PPP2R1A: variants seen among roughly 807,000 people sequenced by gnomAD.
PPP2R1A encodes serine/threonine-protein phosphatase 2A 65 kDa regulatory subunit A alpha isoform.
In PPP2R1A, 15 loss-of-function variants were observed where a neutral mutation model predicts 67.1. The observed-to-expected ratio is 0.22, with a 90% CI of 0.15 to 0.34. PPP2R1A has a LOEUF of 0.34. PPP2R1A is among the 10% of genes least tolerant of loss of function. The probability of loss-of-function intolerance (pLI) is 1.00; values close to 1 mark genes in which losing one functional copy is unlikely to be tolerated. For synonymous variants in PPP2R1A, 337 were observed against 325.0 expected (o/e 1.04, Z -0.40); for missense variants, 369 against 775.0 (o/e 0.48, Z 6.22).
intron 11 of PPP2R1A, 141 bp downstream of exon 11, chr19:52,220,390 C>A: frequency 2.3e-6 from 2 of 887,024 alleles, no homozygotes; most frequent in Non-Finnish European, 1.8e-6. Context: ...AGCTCGCATG[C>A]TTGTTAGAGT....
In PPP2R1A at chr19:52,216,364, G is replaced by T. The variant is rs542342477; in HGVS notation, c.994-165G>T. ...GGGTCATTGAACTCTTAAGTAGGTG[G>T]TACTCATAAGGAATAGTGATTTCCC... is the stretch of plus-strand genomic sequence containing the variant. On this transcript the variant is annotated intron_variant, in intron 8 of 14. Transcript: ENST00000322088. The surrounding 1 kb of genome is among the most constrained non-coding windows in gnomAD (Gnocchi z 4.3). 6.6e-6 allele frequency among the ~76,000 whole-genome samples: 1 copy of T among 152,236 alleles called. No homozygotes were observed. The highest frequency in any genetic ancestry group is 1.5e-5 in the Non-Finnish European group (1 of 68,004).
chr19:52,201,810 G>GC (rs2089552283), intron 1 of PPP2R1A, 134 bp from the exon 2 acceptor site: 4 of 722,932 alleles, frequency 5.5e-6, no homozygotes, highest in Non-Finnish European at 7.0e-6. Flanking sequence ...GTGGGTGTTT[G>GC]CCAAATTACT....
chr19:52,194,088 C>CAAAAAAAAAAAAAAA lies in PPP2R1A; in HGVS notation c.78+3924_78+3938dup, dbSNP rs915576804. The stretch of plus-strand genomic sequence containing the variant: ...CTGGGCGACAGCAAGACCCTGTCTC[C>CAAAAAAAAAAAAAAA]AAAAAAAAAAAAAAAAAAAAAAAAG... On this transcript the variant is annotated intron_variant, in intron 1 of 14. Transcript: ENST00000322088. Among the ~76,000 whole-genome samples, 375 of 60,484 alleles carry CAAAAAAAAAAAAAAA rather than the reference C, an allele frequency of 6.2e-3. 14 individuals are homozygous for CAAAAAAAAAAAAAAA. Among genetic ancestry groups the CAAAAAAAAAAAAAAA allele is most frequent in the Middle Eastern group, 0.011 (1 of 88 alleles). 39.7% of individuals were successfully genotyped at this position (60,484 alleles called of 152,430 possible).
At chr19:52,210,363 A>T (rs73935032) in intron 3 of PPP2R1A, among the ~76,000 whole-genome samples, 6,561 of 152,010 alleles carry the variant, frequency 0.043, 184 homozygotes, top group African/African-American at 0.077. Flanking sequence ...GAAACATGAG[A>T]TCCCAATTCA....
Position 52,211,152 on chromosome 19 carries a change from G to A in PPP2R1A, c.271-108G>A. ...TTAATGAAGGTCGGGATGGGTAATAGGGAAGTTTTCTCTGAGGAGATGAGC... is the reference window on the plus strand; with the variant it reads ...TTAATGAAGGTCGGGATGGGTAATAAGGAAGTTTTCTCTGAGGAGATGAGC... On this transcript the variant is annotated intron_variant, in intron 3 of 14. Coordinates refer to ENST00000322088, the MANE Select transcript of PPP2R1A (RefSeq NM_014225.6). This position sits in a 1 kb window ranked among gnomAD's most constrained non-coding sequence, Gnocchi z 5.3. 2.0e-6 allele frequency: 2 copies of A among 1,012,622 alleles called. No individual in the cohort carries two copies. Among genetic ancestry groups the A allele is most frequent in the South Asian group, 3.2e-5 (2 of 63,084 alleles). 62.7% of individuals were successfully genotyped at this position (1,012,622 alleles called of 1,614,324 possible). A position where few individuals can be genotyped will look rare whatever the true frequency, so the allele number is the denominator to read the frequency against.
At chr19:52,197,293 GTTGT>G (rs780880976) in intron 1 of PPP2R1A, among the ~76,000 whole-genome samples, 2 of 152,140 alleles carry the variant, frequency 1.3e-5, no homozygotes, top group Non-Finnish European at 2.9e-5. Context: ...ATCTTCTAGT[GTTGT>G]TTATGTTCAC....
chr19:52,215,745 C>T (rs1171290572), intron 6 of PPP2R1A, 34 bp from the exon 7 acceptor site: 1 of 1,585,636 alleles, frequency 6.3e-7, no homozygotes, highest in East Asian at 2.2e-5. Context: ...CTGCCAGCCC[C>T]TCTCACTCTC....
chr19:52,199,507 A>G (rs1159281745), intron 1 of PPP2R1A, among the ~76,000 whole-genome samples: 1 of 152,162 alleles, frequency 6.6e-6, no homozygotes, highest in Non-Finnish European at 1.5e-5. Context: ...TCAGACATGC[A>G]TAACTTTGGA....
At chr19:52,221,196 A>G in intron 12 of PPP2R1A, 63 bp downstream of exon 12, 1 of 1,597,970 alleles carries the variant, frequency 6.3e-7, no homozygotes, top group Non-Finnish European at 8.6e-7. Flanking sequence ...GAGAGGAGGG[A>G]TGCTAGAGGG....
At chr19:52,221,208 TCCC>T (rs1978905873) in intron 12 of PPP2R1A, 75 bp downstream of exon 12, 1 of 1,575,566 alleles carries the variant, frequency 6.3e-7, no homozygotes, top group Non-Finnish European at 8.7e-7. Context: ...GCTAGAGGGT[TCCC>T]CAAGGGAGAC....
chr19:52,203,565 ACT>A (rs1224147641), intron 2 of PPP2R1A, among the ~76,000 whole-genome samples: 3 of 151,332 alleles, frequency 2.0e-5, no homozygotes, highest in East Asian at 3.9e-4. Context: ...TGTAGGGAAA[ACT>A]CTGTGACTTT....
intron 9 of PPP2R1A, among the ~76,000 whole-genome samples, chr19:52,218,388 C>T (rs532329947): frequency 2.0e-5 from 3 of 152,266 alleles, no homozygotes; most frequent in South Asian, 2.1e-4. Flanking sequence ...CCCAGAATTA[C>T]AGTGAATTTT....
chr19:52,216,033 C>G lies in PPP2R1A; in HGVS notation c.952C>G (p.Arg318Gly). ...EFCENLSADCRENVIMSQILP... is the reference protein window; with the variant it reads ...EFCENLSADCGENVIMSQILP... ...CTGTGAAAACCTCTCAGCTGACTGT[C>G]GGGAGAATGTGATCATGTCCCAGAT... is the stretch of plus-strand genomic sequence containing the variant. Residue 318 changes from arginine to glycine, a missense_variant, in exon 8 of 15, where the codon CGG becomes GGG. Arg to Gly is a moderately radical substitution (Grantham distance 125, BLOSUM62 -2). This residue lies in a region of PPP2R1A where 276 missense variants were observed against 508.4 expected (regional missense o/e 0.54). Transcript: ENST00000322088. The surrounding 1 kb of genome is among the most constrained non-coding windows in gnomAD (Gnocchi z 4.3). 1 of 1,614,032 alleles carries G rather than the reference C, an allele frequency of 6.2e-7. No homozygotes were observed. The highest frequency in any genetic ancestry group is 1.1e-5 in the South Asian group (1 of 91,078).
At chr19:52,220,085 C>G in intron 10 of PPP2R1A, 104 bp from the exon 11 acceptor site, 1 of 1,348,084 alleles carries the variant, frequency 7.4e-7, no homozygotes, top group East Asian at 2.3e-5. Context: ...TGAGAAGTGT[C>G]CGGTCTTTCT....
chr19:52,220,930 A>G (rs1234666785), intron 11 of PPP2R1A, 49 bp from the exon 12 acceptor site: 1 of 1,602,008 alleles, frequency 6.2e-7, no homozygotes, highest in Non-Finnish European at 8.5e-7. Flanking sequence ...TGCCCACATC[A>G]GTTCTTCACC....
At chr19:52,215,656 C>G in intron 6 of PPP2R1A, 123 bp from the exon 7 acceptor site, 1 of 733,200 alleles carries the variant, frequency 1.4e-6, no homozygotes, top group Non-Finnish European at 2.3e-6. Flanking sequence ...TAGATTTTAG[C>G]ACTGCTTCCA....
intron 6 of PPP2R1A, among the ~76,000 whole-genome samples, chr19:52,214,676 G>A (rs941060200): frequency 1.3e-5 from 2 of 151,700 alleles, no homozygotes; most frequent in South Asian, 2.1e-4. Context: ...AGCAGGAGCC[G>A]TGCGTCTTTC....
chr19:52,214,230 A>G lies in PPP2R1A; in HGVS notation c.807+1120A>G, dbSNP rs1978428934. On this transcript the variant is annotated intron_variant, in intron 6 of 14. Transcript: ENST00000322088. The stretch of plus-strand genomic sequence containing the variant: ...CCTGATCTTGATGGCCCAGCCTGAG[A>G]GAAAGCAGGAGAGAGGGCAGGGTGG... Among the ~76,000 whole-genome samples the G allele has an allele frequency of 3.9e-5, 6 of 152,230 alleles. No homozygotes were observed. The South Asian group carries it at 1.2e-3, about 32-fold the overall frequency.
In PPP2R1A at chr19:52,213,005, T is replaced by G. The variant is rs1385714727; in HGVS notation, c.702T>G (p.Leu234=). Residue 234 remains leucine (L), a synonymous_variant, in exon 6 of 15, where the codon CTT becomes CTG. Transcript: ENST00000322088. The surrounding 1 kb of genome is among the most constrained non-coding windows in gnomAD (Gnocchi z 4.2). ...AGGCGTGCGTGAACATCGCCCAGCT[T>G]CTGCCCCAGGAGGATCTGGAGGCCC... The part of the protein sequence containing the change: ...AVEACVNIAQ[L]LPQEDLEALV... The G allele has an allele frequency of 2.5e-6, 4 of 1,612,096 alleles. No individual in the cohort carries two copies. The highest frequency in any genetic ancestry group is 3.4e-6 in the Non-Finnish European group (4 of 1,179,392).
Sources: gnomAD v4.1 joint callset for allele counts (sites outside exome capture counted in the v4.1 genomes callset) on GRCh38, gnomAD v4.1.1 for gene constraint, gnomAD v4.1.1 regional missense constraint, Gnocchi (gnomAD v3.1) non-coding constraint, MANE v1.5 for transcripts, NCBI Gene and HGNC (gene_info 2026-07-23, HGNC 2026-07-21) for gene names.